Variants in ZNF726 observed in about 807,000 individuals in gnomAD.
The protein encoded by ZNF726 is zinc finger protein 726.
Under a neutral mutation model 11.6 loss-of-function variants are expected in ZNF726, and 15 were observed. The ratio of observed to expected loss-of-function variants is 1.29; its 90% CI spans 0.86 to 1.99. ZNF726 has a LOEUF of 1.99. Ranked by LOEUF, ZNF726 falls within the 30% of genes most tolerant of loss-of-function variation. The pLI is 0.00. For missense variants in ZNF726, 890 were observed against 725.6 expected (o/e 1.23, Z -2.60); for synonymous variants, 295 against 243.6 (o/e 1.21, Z -1.96).
At chr19:23,923,342 G>A (rs1967900186) in intron 3 of ZNF726, 2 of 375,128 alleles carry the variant, frequency 5.3e-6, no homozygotes, top group South Asian at 1.9e-5. Context: ...TTTCTCATTA[G>A]CATCTCCTAT....
In ZNF726 at chr19:23,932,398, T is replaced by C; in HGVS notation, c.282T>C (p.Ser94=). The C allele has an allele frequency of 1.3e-6, 2 of 1,527,580 alleles. No individual in the cohort carries two copies. Among genetic ancestry groups the C allele is most frequent in the East Asian group, 2.3e-5 (1 of 43,666 alleles). 94.6% of individuals were successfully genotyped at this position (1,527,580 alleles called of 1,614,324 possible). ...DIWPEQGVED[S]FQKVILRRFE... ...GGCCAGAGCAGGGCGTGGAAGATTC[T>C]TTTCAAAAAGTAATACTAAGAAGAT... The change falls in exon 4 of 4, where the codon TCT becomes TCC. Residue 94 remains serine, a synonymous_variant. Coordinates refer to ENST00000594466, the MANE Select transcript of ZNF726 (RefSeq NM_001244038.2).
rs555067479 is a variant in ZNF726, at chr19:23,925,574, A to AT, written c.226+5496dup. ...TGGCCATTTAAATGAGTGTGAGGGG[A>AT]TTTTGTTTTTTATTATGACTTTTAT... On this transcript the variant is annotated intron_variant, in intron 3 of 3. Coordinates refer to ENST00000594466, the MANE Select transcript of ZNF726 (RefSeq NM_001244038.2). Among the ~76,000 whole-genome samples, 362 of 152,026 alleles carry AT rather than the reference A, an allele frequency of 2.4e-3. 1 individual carries two copies. Among genetic ancestry groups the AT allele is most frequent in the African/African-American group, 8.3e-3 (345 of 41,458 alleles).
chr19:23,943,168 G>C (rs1968365146), intron 3 of ZNF726, among the ~76,000 whole-genome samples: 1 of 152,072 alleles, frequency 6.6e-6, no homozygotes, highest in Admixed American at 6.6e-5. Flanking sequence ...CTACAAATGT[G>C]CACCACCACG....
downstream of ZNF726, among the ~76,000 whole-genome samples, chr19:23,939,011 G>A (rs191613488): frequency 9.9e-5 from 15 of 152,092 alleles, no homozygotes; most frequent in East Asian, 2.9e-3. Flanking sequence ...TACAGGTGGT[G>A]TTTGGTTAGA....
intron 3 of ZNF726, chr19:23,927,951 T>C (rs958841473): frequency 3.9e-5 from 6 of 152,204 alleles, no homozygotes; most frequent in East Asian, 1.9e-4. Context: ...AACCTTATGA[T>C]TAAATGCAAT....
Position 23,933,355 on chromosome 19 carries a change from T to G in ZNF726, c.1239T>G (p.Thr413=), listed in dbSNP as rs770248032. 5.6e-6 allele frequency: 9 copies of G among 1,612,886 alleles called. No homozygotes were observed. The highest frequency in any genetic ancestry group is 6.8e-6 in the Non-Finnish European group (8 of 1,179,832). The change falls in exon 4 of 4, where the codon ACT becomes ACG. Residue 413 remains threonine (T), a synonymous_variant. Coordinates refer to ENST00000594466, the MANE Select transcript of ZNF726 (RefSeq NM_001244038.2). ...GKAFHRSSNL[T]KHKIIHTGEK... is the part of the protein sequence containing the mutation. The stretch of plus-strand genomic sequence containing the variant: ...CTTTTCATCGATCCTCAAATCTTAC[T>G]AAACATAAGATAATTCATACTGGAG...
At chr19:23,931,506 G>A (rs1968104988) in intron 3 of ZNF726, among the ~76,000 whole-genome samples, 1 of 151,498 alleles carries the variant, frequency 6.6e-6, no homozygotes, top group Admixed American at 6.6e-5. Flanking sequence ...ATTTTTTTAT[G>A]GTTTCTTTCA....
Position 23,919,207 on chromosome 19 carries a change from A to C in ZNF726, c.4-166A>C, listed in dbSNP as rs563670834. On this transcript the variant is annotated intron_variant, in intron 1 of 3. Coordinates refer to ENST00000594466, the MANE Select transcript of ZNF726 (RefSeq NM_001244038.2). ...CAGTCTCTTTTCTCAGAGTTAGAGA[A>C]TACATTAGAAAATGTTTGTGTTTTG... 38 of 1,075,384 alleles carry C rather than the reference A, an allele frequency of 3.5e-5. No homozygotes were observed. In the African/African-American group the frequency reaches 6.1e-4, roughly 17 times the overall value. The allele number at this position is 1,075,384 out of a possible 1,614,324, so 66.6% of individuals were successfully genotyped here.
chr19:23,919,431 T>A lies in ZNF726; in HGVS notation c.62T>A (p.Leu21Gln). ...TTCTCTCTGGAGGAGTGGCAGTGCC[T>A]GGACACTGCACAGAAGAATTTATAT... Reference protein sequence around the residue: ...IEFSLEEWQCLDTAQKNLYRN... With the variant: ...IEFSLEEWQCQDTAQKNLYRN... Residue 21 changes from leucine (L) to glutamine (Q), a missense_variant, in exon 2 of 4, where the codon CTG (leucine) becomes CAG (glutamine). Physicochemically the swap from Leu to Gln is moderately radical, Grantham distance 113 (BLOSUM62 -2). Transcript: ENST00000594466. The A allele has an allele frequency of 1.2e-6, 2 of 1,608,364 alleles. No individual in the cohort carries two copies. The highest frequency in any genetic ancestry group is 1.7e-6 in the Non-Finnish European group (2 of 1,176,538).
At chr19:23,917,001 A>C (rs1488604518) in intron 1 of ZNF726, among the ~76,000 whole-genome samples, 2 of 152,280 alleles carry the variant, frequency 1.3e-5, no homozygotes, top group East Asian at 3.9e-4. Flanking sequence ...CCCAGGCTGG[A>C]GTAAAGTGGT....
chr19:23,918,130 C>T (rs1243368971), intron 1 of ZNF726, among the ~76,000 whole-genome samples: 1 of 152,028 alleles, frequency 6.6e-6, no homozygotes, highest in African/African-American at 2.4e-5. Flanking sequence ...GGGTAATTCA[C>T]AGAGTGGGTA....
At chr19:23,923,276 A>G (rs1207506568) in intron 3 of ZNF726, among the ~76,000 whole-genome samples, 1 of 152,178 alleles carries the variant, frequency 6.6e-6, no homozygotes, top group African/African-American at 2.4e-5. Context: ...AAAATAGCAT[A>G]TATTTAAAAC....
At chr19:23,916,629 T>A (rs1320887753) in intron 1 of ZNF726, among the ~76,000 whole-genome samples, 3 of 152,130 alleles carry the variant, frequency 2.0e-5, no homozygotes, top group African/African-American at 2.4e-5. Flanking sequence ...CCGTGCCTGG[T>A]GAATTAATTA....
chr19:23,943,171 C>T (rs1340137913), intron 3 of ZNF726, among the ~76,000 whole-genome samples: 1 of 152,132 alleles, frequency 6.6e-6, no homozygotes, highest in Non-Finnish European at 1.5e-5. Flanking sequence ...CAAATGTGCA[C>T]CACCACGCCC....
intron 3 of ZNF726, among the ~76,000 whole-genome samples, chr19:23,941,261 A>G (rs1599477772): frequency 6.6e-6 from 1 of 151,940 alleles, no homozygotes. Context: ...TTTGAATTCT[A>G]TTTATGTGGT....
intron 3 of ZNF726, among the ~76,000 whole-genome samples, chr19:23,931,468 C>T (rs1199791830): frequency 6.8e-6 from 1 of 146,332 alleles, no homozygotes; most frequent in Non-Finnish European, 1.5e-5. Context: ...AATTTATTAC[C>T]AATTCTTAAA....
intron 3 of ZNF726, chr19:23,929,085 T>C (rs1968049667): frequency 6.6e-6 from 1 of 152,064 alleles, no homozygotes; most frequent in African/African-American, 2.4e-5. Context: ...TTTTTTTCTA[T>C]TAAGTAGTTT....
intron 1 of ZNF726, among the ~76,000 whole-genome samples, chr19:23,918,359 A>G (rs1308939815): frequency 6.6e-6 from 1 of 152,238 alleles, no homozygotes; most frequent in Non-Finnish European, 1.5e-5. Context: ...GATGGCATTT[A>G]TTACCCAGAA....
At chr19:23,929,733 A>G (rs1249465371) in intron 3 of ZNF726, among the ~76,000 whole-genome samples, 1 of 152,048 alleles carries the variant, frequency 6.6e-6, no homozygotes. Flanking sequence ...ATACCTCTAT[A>G]TTTTTCAGTT....
Sources: gnomAD v4.1 joint callset for allele counts (sites outside exome capture counted in the v4.1 genomes callset) on GRCh38, gnomAD v4.1.1 for gene constraint, MANE v1.5 for transcripts, NCBI Gene and HGNC (gene_info 2026-07-23, HGNC 2026-07-21) for gene names.